The following EHD1 variants were observed in gnomAD, a reference collection of about 807,000 sequenced individuals.
The protein encoded by EHD1 is EH domain containing 1.
EHD1 carries 19 observed loss-of-function variants against 39.0 expected under a neutral mutation model. The observed-to-expected ratio is 0.49, with a 90% confidence interval of 0.34 to 0.72. The LOEUF (loss-of-function observed/expected upper bound fraction) is 0.72, where lower values mean the gene tolerates loss of function less well. EHD1 is among the 30% of genes least tolerant of loss of function. The probability of loss-of-function intolerance (pLI) is 0.01; values close to 1 mark genes in which losing one functional copy is unlikely to be tolerated. For missense variants in EHD1, 542 were observed against 751.5 expected, an observed-to-expected ratio of 0.72 and a Z score of 3.26; for synonymous variants, 323 against 331.2, an observed-to-expected ratio of 0.98 and a Z score of 0.27.
chr11:64,878,591 G>A lies in EHD1; in HGVS notation c.-127C>T, dbSNP rs986984479. On this transcript the variant is annotated 5_prime_UTR_variant, in exon 1 of 5. Coordinates refer to ENST00000320631, the MANE Select transcript of EHD1 (RefSeq NM_006795.4). ...GCGACCCACACTGCGCAGGCGCACA[G>A]CCCAGCCCGTCGAAGCGCCCTCTGC... is the stretch of plus-strand genomic sequence containing the variant. 1.1e-5 allele frequency: 15 copies of A among 1,428,258 alleles called. No individual in the cohort carries two copies. In the Admixed American group the frequency reaches 3.2e-4, roughly 31 times the overall value. 88.5% of individuals were successfully genotyped at this position (1,428,258 alleles called of 1,614,324 possible).
intron 2 of EHD1, among the ~76,000 whole-genome samples, chr11:64,862,180 G>A (rs1314868500): frequency 6.6e-6 from 1 of 152,194 alleles, no homozygotes; most frequent in East Asian, 1.9e-4. Context: ...GTGCTGGGGT[G>A]ACAGGCCTGA....
chr11:64,860,212 G>A lies in EHD1; in HGVS notation c.627C>T (p.Asn209=). The A allele has an allele frequency of 1.2e-6, 2 of 1,614,162 alleles. No individual in the cohort carries two copies. Among genetic ancestry groups the A allele is most frequent in the Non-Finnish European group, 1.7e-6 (2 of 1,180,044 alleles). ...GCACCACGCGGATCTTGTCCTCATG[G>A]TTCTTCAGAGCCTTGATCACTTCCG... ...EFSEVIKALK[N]HEDKIRVVLN... The change falls in exon 3 of 5, where the codon AAC becomes AAT. Residue 209 remains asparagine (N), a synonymous_variant. Coordinates refer to ENST00000320631, the MANE Select transcript of EHD1 (RefSeq NM_006795.4).
rs111292162 is a variant in EHD1, at chr11:64,863,919, G to A, written c.503-3583C>T. On this transcript the variant is annotated intron_variant, in intron 2 of 4. Coordinates refer to ENST00000320631, the MANE Select transcript of EHD1 (RefSeq NM_006795.4). Reference sequence around the variant, plus strand: ...GCACTGGGCCTCCAGCCCAGGACCCGACAGGGACAGCCTCCTTGGCAGGCT... The same window carrying A: ...GCACTGGGCCTCCAGCCCAGGACCCAACAGGGACAGCCTCCTTGGCAGGCT... Among the ~76,000 whole-genome samples, 685 of 152,378 alleles carry A rather than the reference G, an allele frequency of 4.5e-3. 3 individuals carry two copies. Among genetic ancestry groups the A allele is most frequent in the African/African-American group, 0.016 (651 of 41,582 alleles).
At chr11:64,858,104 C>A (rs1229899549) in intron 3 of EHD1, among the ~76,000 whole-genome samples, 1 of 151,158 alleles carries the variant, frequency 6.6e-6, no homozygotes, top group Non-Finnish European at 1.5e-5. Context: ...TAACTCCTGG[C>A]CTTAAGGGAT....
intron 2 of EHD1, among the ~76,000 whole-genome samples, chr11:64,867,800 G>T (rs541698741): frequency 9.2e-5 from 14 of 152,356 alleles, no homozygotes; most frequent in Admixed American, 5.2e-4. Flanking sequence ...TTTTTAAAAA[G>T]TGAAAACGAA....
chr11:64,873,740 G>C (rs145746021), intron 2 of EHD1, among the ~76,000 whole-genome samples: 1 of 151,366 alleles, frequency 6.6e-6, no homozygotes, highest in African/African-American at 2.4e-5. Context: ...GCAGTGGCGC[G>C]ATCTCGGCTC....
rs369948517 is a variant in EHD1, at chr11:64,868,246, A to G, written c.502+6175T>C. The stretch of plus-strand genomic sequence containing the variant: ...TTCTCGCCCTAGCTCTCCATCACAC[A>G]GGTTTCCAACGCGTGCTGGGCCTCG... On this transcript the variant is annotated intron_variant, in intron 2 of 4. Coordinates refer to ENST00000320631, the MANE Select transcript of EHD1 (RefSeq NM_006795.4). This position sits in a 1 kb window ranked among gnomAD's most constrained non-coding sequence, Gnocchi z 4.2. Among the ~76,000 whole-genome samples the G allele has an allele frequency of 6.6e-6, 1 of 152,282 alleles. No homozygotes were observed. Among genetic ancestry groups the G allele is most frequent in the East Asian group, 1.9e-4 (1 of 5,190 alleles).
upstream of EHD1, chr11:64,878,817 G>C: frequency 1.1e-5 from 13 of 1,168,420 alleles, no homozygotes; most frequent in Non-Finnish European, 1.4e-5. Flanking sequence ...TGTGGTCCGG[G>C]TGCCGTGGCA....
intron 2 of EHD1, among the ~76,000 whole-genome samples, chr11:64,871,691 G>A (rs627497): frequency 0.2 from 30,608 of 152,078 alleles, 3,667 homozygotes; most frequent in East Asian, 0.33. Context: ...GCTCCTTCCT[G>A]CCCATAATGG....
chr11:64,870,889 C>T (rs1211012011), intron 2 of EHD1, among the ~76,000 whole-genome samples: 1 of 152,220 alleles, frequency 6.6e-6, no homozygotes, highest in Admixed American at 6.5e-5. Context: ...TTTAAAGTCA[C>T]TCAGATTAGC....
chr11:64,877,716 G>A (rs1943900075), intron 1 of EHD1: 1 of 265,202 alleles, frequency 3.8e-6, no homozygotes, highest in Admixed American at 5.4e-5. Context: ...CAGCCTGCGG[G>A]ACGGAGGTGG....
In EHD1 at chr11:64,862,167, A is replaced by G. The variant is rs568042932; in HGVS notation, c.503-1831T>C. Among the ~76,000 whole-genome samples the G allele has an allele frequency of 1.4e-4, 21 of 152,268 alleles. No homozygotes were observed. In the East Asian group the frequency reaches 3.7e-3, roughly 27 times the overall value. On this transcript the variant is annotated intron_variant, in intron 2 of 4. Coordinates refer to ENST00000320631, the MANE Select transcript of EHD1 (RefSeq NM_006795.4). ...AGAGATTCTCCCGCCTTGGCCTCCC[A>G]AAGTGCTGGGGTGACAGGCCTGAGC...
At chr11:64,878,971 G>A (rs1002283043), upstream of EHD1, 83 of 1,001,672 alleles carry the variant, frequency 8.3e-5, no homozygotes, top group Non-Finnish European at 9.6e-5. Context: ...CCGCGGGATG[G>A]CTCCACGAGA....
intron 1 of EHD1, among the ~76,000 whole-genome samples, chr11:64,876,345 A>T (rs1392631898): frequency 1.3e-5 from 2 of 152,148 alleles, no homozygotes; most frequent in African/African-American, 2.4e-5. Flanking sequence ...TCCCCACACT[A>T]CACATCCTGG....
chr11:64,871,084 C>T (rs933870447), intron 2 of EHD1, among the ~76,000 whole-genome samples: 3 of 152,176 alleles, frequency 2.0e-5, no homozygotes, highest in Admixed American at 6.5e-5. Context: ...GAAAAAAAGT[C>T]AGGAGGGGCC....
At chr11:64,872,203 G>A (rs377755067) in intron 2 of EHD1, among the ~76,000 whole-genome samples, 73 of 152,344 alleles carry the variant, frequency 4.8e-4, no homozygotes, top group African/African-American at 1.4e-3. Flanking sequence ...GGAGTTCAAG[G>A]CTGTGATGAT....
At chr11:64,874,364 TAG>T in intron 2 of EHD1, 55 bp downstream of exon 2, 1 of 1,481,992 alleles carries the variant, frequency 6.7e-7, no homozygotes, top group East Asian at 2.5e-5. Flanking sequence ...TTGCAGATCT[TAG>T]AGAGAAGGAT....
chr11:64,870,829 A>C (rs566807177), intron 2 of EHD1, among the ~76,000 whole-genome samples: 12 of 152,300 alleles, frequency 7.9e-5, no homozygotes, highest in African/African-American at 2.2e-4. Context: ...TCAAGAATGA[A>C]CGCAGCCCCC....
rs1565726582 is a variant in EHD1 at position 64,878,098 on chromosome 11, G to C, written c.367C>G (p.Arg123Gly). Residue 123 changes from arginine (R) to glycine (G), a missense_variant, in exon 1 of 5, where the codon CGC becomes GGC. By Grantham distance (125) the Arg-to-Gly change is moderately radical. Transcript: ENST00000320631. Reference protein sequence around the residue: ...ALVVDPRRPFRKLNAFGNAFL... With the variant: ...ALVVDPRRPFGKLNAFGNAFL... ...GCGTTGCCAAACGCGTTGAGCTTGC[G>C]GAAGGGGCGCCGCGGGTCCACCACG... is the stretch of plus-strand genomic sequence containing the variant. The C allele has an allele frequency of 3.9e-6, 6 of 1,540,004 alleles. No homozygotes were observed. The highest frequency in any genetic ancestry group is 5.2e-6 in the Non-Finnish European group (6 of 1,143,460).
Sources: gnomAD v4.1 joint callset for allele counts (sites outside exome capture counted in the v4.1 genomes callset) on GRCh38, gnomAD v4.1.1 for gene constraint, Gnocchi (gnomAD v3.1) non-coding constraint, MANE v1.5 for transcripts, NCBI Gene and HGNC (gene_info 2026-07-23, HGNC 2026-07-21) for gene names.